The following CARF variants were observed in gnomAD, a reference collection of about 807,000 sequenced individuals.
The protein encoded by CARF is calcium responsive transcription factor.
Under a neutral mutation model 82.0 loss-of-function variants are expected in CARF, and 57 were observed. That is an observed-to-expected ratio of 0.70 (90% CI 0.56 to 0.87). CARF has a LOEUF of 0.87. CARF is among the 40% of genes least tolerant of loss of function. The pLI is 0.00. For synonymous variants in CARF, 268 were observed against 290.1 expected (o/e 0.92, Z 0.77); for missense variants, 771 against 855.8 (o/e 0.90, Z 1.24).
At chr2:202,956,516 G>T (rs559336538) in intron 8 of CARF, among the ~76,000 whole-genome samples, 6 of 152,242 alleles carry the variant, frequency 3.9e-5, no homozygotes, top group Admixed American at 2.0e-4. Flanking sequence ...CTCCCAAAGT[G>T]CTGGGATTAC....
intron 5 of CARF, among the ~76,000 whole-genome samples, chr2:202,948,227 C>A (rs1481815210): frequency 6.6e-6 from 1 of 152,166 alleles, no homozygotes; most frequent in Non-Finnish European, 1.5e-5. Flanking sequence ...TGTTTTCATA[C>A]CAGTACCATG....
intron 8 of CARF, among the ~76,000 whole-genome samples, chr2:202,956,645 T>G (rs2059058357): frequency 6.6e-6 from 1 of 152,184 alleles, no homozygotes; most frequent in Non-Finnish European, 1.5e-5. Context: ...TATCCCATAC[T>G]GAAATCATCT....
At chr2:202,920,297 C>T (rs573807450) in intron 2 of CARF, among the ~76,000 whole-genome samples, 2 of 152,056 alleles carry the variant, frequency 1.3e-5, no homozygotes, top group South Asian at 2.1e-4. Context: ...GGACTACAGG[C>T]GCCCACCATC....
intron 12 of CARF, among the ~76,000 whole-genome samples, chr2:202,972,674 T>TAA (rs35376227): frequency 0.45 from 45,882 of 102,786 alleles, 11,746 homozygotes; most frequent in Middle Eastern, 0.65. Flanking sequence ...AGACTCCGTC[T>TAA]AAAAAAAAAA....
At chr2:202,950,058 A>G (rs2058687094) in intron 5 of CARF, among the ~76,000 whole-genome samples, 2 of 152,254 alleles carry the variant, frequency 1.3e-5, no homozygotes, top group Admixed American at 1.3e-4. Flanking sequence ...GTTGTAGCAC[A>G]TGACTCTTCA....
rs1211409460 is a variant in CARF, at chr2:202,987,283, G to A, written c.*3659G>A. Among the ~76,000 whole-genome samples, 1 of 111,340 alleles carries A rather than the reference G, an allele frequency of 9.0e-6. No homozygotes were observed. Among genetic ancestry groups the A allele is most frequent in the Non-Finnish European group, 1.7e-5 (1 of 59,570 alleles). 73.0% of individuals were successfully genotyped at this position (111,340 alleles called of 152,430 possible). On this transcript the variant is annotated 3_prime_UTR_variant, in exon 17 of 17. Transcript: ENST00000438828. ...TGTTTTGGCACCATGACATTTTCAA[G>A]TATAGCTTTATATTTTAGGAGTAAT...
chr2:202,922,218 A>G (rs537822384), intron 2 of CARF, among the ~76,000 whole-genome samples: 19 of 151,736 alleles, frequency 1.3e-4, no homozygotes, highest in Non-Finnish European at 1.8e-4. Flanking sequence ...GGCTCAGGCA[A>G]TCCCCCCACC....
chr2:202,936,061 T>C (rs922960156), intron 3 of CARF, among the ~76,000 whole-genome samples: 5 of 151,922 alleles, frequency 3.3e-5, no homozygotes, highest in Admixed American at 6.6e-5. Flanking sequence ...AAATTCCTGT[T>C]CTCAAGTAAT....
At chr2:202,937,737 GC>G (rs1694174867) in intron 3 of CARF, among the ~76,000 whole-genome samples, 1 of 151,782 alleles carries the variant, frequency 6.6e-6, no homozygotes, top group East Asian at 1.9e-4. Flanking sequence ...TGATTCTCTT[GC>G]CCCAGCCTCC....
rs1216422277 is a variant in CARF at position 202,986,896 on chromosome 2, A to ACG, written c.*3272_*3273insCG. 8 of 136,204 alleles carry ACG rather than the reference A, an allele frequency of 5.9e-5. No individual in the cohort carries two copies. The highest frequency in any genetic ancestry group is 4.8e-4 in the South Asian group (2 of 4,136). 8.4% of individuals were successfully genotyped at this position (136,204 alleles called of 1,614,324 possible). A position where few individuals can be genotyped will look rare whatever the true frequency, so the allele number is the denominator to read the frequency against. ...TATATATATATATATATATATATAT[A>ACG]TATATATATATAGCAACTTGATGTA... On this transcript the variant is annotated 3_prime_UTR_variant, in exon 17 of 17. Coordinates refer to ENST00000438828, the MANE Select transcript of CARF (RefSeq NM_024744.17).
chr2:202,983,461 C>G (rs2060345849), intron 16 of CARF, 45 bp from the exon 17 acceptor site: 7 of 1,234,500 alleles, frequency 5.7e-6, no homozygotes, highest in African/African-American at 1.5e-5. Flanking sequence ...CTTCCAGTGT[C>G]ATGAAATAGA....
Position 202,971,750 on chromosome 2 carries a change from G to A in CARF, c.1331+12G>A. On this transcript the variant is annotated intron_variant, in intron 12 of 16. Transcript: ENST00000438828. ...AGGAAACAGCTAAGGTACAATAGAA[G>A]AGCATTGTTCTTTTACATTTTTCAG... The A allele has an allele frequency of 6.3e-7, 1 of 1,577,024 alleles. No homozygotes were observed. The highest frequency in any genetic ancestry group is 1.1e-5 in the South Asian group (1 of 89,836).
chr2:202,927,237 A>G (rs1459313268), intron 3 of CARF, among the ~76,000 whole-genome samples: 1 of 151,898 alleles, frequency 6.6e-6, no homozygotes, highest in Admixed American at 6.6e-5. Context: ...ATTGAATTAC[A>G]TCCTTTAATA....
At chr2:202,925,133 T>C (rs920648919) in intron 3 of CARF, 5 of 362,734 alleles carry the variant, frequency 1.4e-5, no homozygotes, top group South Asian at 1.2e-4. Flanking sequence ...GAGGCAGAAC[T>C]TGGCAACATG....
At chr2:202,930,476 TTCTC>T (rs1574518414) in intron 3 of CARF, among the ~76,000 whole-genome samples, 1 of 152,218 alleles carries the variant, frequency 6.6e-6, no homozygotes, top group East Asian at 1.9e-4. Context: ...AGTTCAGAAA[TTCTC>T]TCTGCTTGAT....
chr2:202,943,625 C>CACACACAT (rs1553560005), intron 5 of CARF, among the ~76,000 whole-genome samples: 3 of 121,796 alleles, frequency 2.5e-5, no homozygotes, highest in Non-Finnish European at 4.0e-5. Context: ...CACACACACA[C>CACACACAT]ACACATATTA....
intron 8 of CARF, among the ~76,000 whole-genome samples, chr2:202,959,509 GT>G (rs1385198627): frequency 6.6e-6 from 1 of 152,026 alleles, no homozygotes. Context: ...TGTTTTTTCT[GT>G]TGGTATTGAA....
At chr2:202,933,750 T>C (rs142226222) in intron 3 of CARF, among the ~76,000 whole-genome samples, 107 of 152,316 alleles carry the variant, frequency 7.0e-4, no homozygotes, top group African/African-American at 2.5e-3. Context: ...TGGGCCATCT[T>C]GCTGATGTGA....
rs149943854 is a variant in CARF, at chr2:202,941,943, A to G, written c.41A>G (p.Asp14Gly). 1.6e-3 allele frequency: 2,628 copies of G among 1,613,694 alleles called. 5 individuals are homozygous for G. Among genetic ancestry groups the G allele is most frequent in the Non-Finnish European group, 2.1e-3 (2,533 of 1,179,738 alleles). ...GATTCATTAAGAGTCAACCATAATG[A>G]CGGTGAAGAGTCAAAAACCAGTGCT... ...SNDSLRVNHN[D>G]GEESKTSAQV... The change falls in exon 4 of 17, where the codon GAC (aspartate) becomes GGC (glycine). Residue 14 changes from aspartate to glycine, a missense_variant. By Grantham distance (94) the Asp-to-Gly change is moderately conservative. Coordinates refer to ENST00000438828, the MANE Select transcript of CARF (RefSeq NM_024744.17).
Sources: allele counts gnomAD v4.1 joint callset (sites outside exome capture counted in the v4.1 genomes callset), GRCh38; gene constraint gnomAD v4.1.1; transcripts MANE v1.5; gene names NCBI Gene and HGNC (gene_info 2026-07-23, HGNC 2026-07-21).